Variants in GSTA4 observed in about 807,000 individuals in gnomAD.
The protein encoded by GSTA4 is glutathione S-transferase alpha 4.
GSTA4 carries 15 observed loss-of-function variants against 24.4 expected under a neutral mutation model. That is an observed-to-expected ratio of 0.61 (90% CI 0.41 to 0.95). GSTA4 has a LOEUF of 0.95. GSTA4 is among the 40% of genes least tolerant of loss of function. The pLI is 0.00. For synonymous variants in GSTA4, 92 were observed against 94.2 expected (o/e 0.98, Z 0.13); for missense variants, 244 against 262.1 (o/e 0.93, Z 0.48).
In GSTA4 at chr6:52,989,147, C is replaced by T. The variant is rs558878509; in HGVS notation, c.88-1739G>A. 9.2e-5 allele frequency among the ~76,000 whole-genome samples: 14 copies of T among 152,298 alleles called. No homozygotes were observed. In the South Asian group the frequency reaches 2.9e-3, roughly 32 times the overall value. ...TCCCAAACAGCACCATGACAGTTTA[C>T]AAAGGCTATGGCAATGTCAGGAAGT... On this transcript the variant is annotated intron_variant, in intron 2 of 6. Transcript: ENST00000370963.
At chr6:52,989,574 C>T (rs1763626562) in intron 2 of GSTA4, among the ~76,000 whole-genome samples, 1 of 152,198 alleles carries the variant, frequency 6.6e-6, no homozygotes. Context: ...GAATCAGGAT[C>T]ATAGGCTTGG....
chr6:52,984,399 T>C, intron 5 of GSTA4, 65 bp downstream of exon 5: 1 of 1,467,220 alleles, frequency 6.8e-7, no homozygotes, highest in Non-Finnish European at 9.3e-7. Flanking sequence ...AAAGGGTGTT[T>C]GTGGCAGCTT....
intron 4 of GSTA4, 50 bp from the exon 5 acceptor site, chr6:52,984,655 C>A: frequency 4.2e-6 from 6 of 1,430,754 alleles, no homozygotes; most frequent in South Asian, 2.5e-5. Context: ...TTGAAGCCAT[C>A]AGTTTCCACA....
At chr6:52,994,407 G>C in intron 1 of GSTA4, 146 bp from the exon 2 acceptor site, 1 of 492,344 alleles carries the variant, frequency 2.0e-6, no homozygotes. Context: ...CCTCACTCAA[G>C]AAAAAAAAAC....
chr6:52,983,034 T>C (rs1763484451), intron 5 of GSTA4, among the ~76,000 whole-genome samples: 1 of 152,142 alleles, frequency 6.6e-6, no homozygotes, highest in Non-Finnish European at 1.5e-5. Context: ...GCATCTGGTG[T>C]TTTGAAAGGA....
At chr6:52,983,550 C>T (rs1407725698) in intron 5 of GSTA4, among the ~76,000 whole-genome samples, 1 of 152,222 alleles carries the variant, frequency 6.6e-6, no homozygotes, top group Non-Finnish European at 1.5e-5. Flanking sequence ...CATTTTCTGG[C>T]CATGTTACCT....
rs1218239558 is a variant in GSTA4, at chr6:52,994,312, G to A, written c.-18-51C>T. On this transcript the variant is annotated intron_variant, in intron 1 of 6. Transcript: ENST00000370963. ...CGCAGACCAACAGTCCCAATTTCGC[G>A]TCTTCAACCCAGTGCTCAGGGGCGA... 1.0e-5 allele frequency: 10 copies of A among 970,490 alleles called. No homozygotes were observed. In the South Asian group the frequency reaches 1.2e-4, roughly 12 times the overall value. The allele number at this position is 970,490 out of a possible 1,614,324, so 60.1% of individuals were successfully genotyped here. A position where few individuals can be genotyped will look rare whatever the true frequency, so the allele number is the denominator to read the frequency against.
At position 52,978,527 on chromosome 6, in the gene GSTA4, C is replaced by T. The variant is rs935559113; in HGVS notation, c.612G>A (p.Lys204=). 3.1e-6 allele frequency: 5 copies of T among 1,612,258 alleles called. No homozygotes were observed. Among genetic ancestry groups the T allele is most frequent in the Admixed American group, 1.7e-5 (1 of 59,888 alleles). ...IKRFLEPGSK[K]KPPPDEIYVR... ...CATAAATTTCATCAGGGGGAGGCTT[C>T]TTCTTGCTGCCAGGTTCAAGGAATC... is the stretch of plus-strand genomic sequence containing the variant. The change falls in exon 7 of 7, where the codon AAG becomes AAA. Residue 204 remains lysine (K), a synonymous_variant. Coordinates refer to ENST00000370963, the MANE Select transcript of GSTA4 (RefSeq NM_001512.4).
intron 6 of GSTA4, among the ~76,000 whole-genome samples, chr6:52,979,169 C>T (rs1581905994): frequency 6.6e-6 from 1 of 152,230 alleles, no homozygotes; most frequent in Non-Finnish European, 1.5e-5. Context: ...TAACAGTAGT[C>T]AATTTGAAGC....
chr6:52,983,678 A>G (rs1243373026), intron 5 of GSTA4, among the ~76,000 whole-genome samples: 7 of 152,230 alleles, frequency 4.6e-5, no homozygotes, highest in Admixed American at 4.6e-4. Context: ...CTTGGGACCT[A>G]AGAATGAGCA....
chr6:52,979,260 G>A (rs752917345), intron 6 of GSTA4, among the ~76,000 whole-genome samples: 1 of 152,202 alleles, frequency 6.6e-6, no homozygotes, highest in Non-Finnish European at 1.5e-5. Flanking sequence ...CTAGCCACCT[G>A]AAGTGCACTG....
At chr6:52,994,121 T>C (rs1171539101) in intron 2 of GSTA4, 36 bp downstream of exon 2, 5 of 1,355,102 alleles carry the variant, frequency 3.7e-6, no homozygotes, top group Non-Finnish European at 5.3e-6. Context: ...TCAAAAGCTG[T>C]ATGACAAATC....
rs764488635 is a variant in GSTA4 at position 52,994,206 on chromosome 6, C to T, written c.38G>A (p.Arg13Lys). 1.9e-6 allele frequency: 3 copies of T among 1,613,828 alleles called. No homozygotes were observed. The South Asian group carries it at 3.3e-5, about 18-fold the overall frequency. Residue 13 changes from arginine (R) to lysine (K), a missense_variant, in exon 2 of 7, where the codon AGA (arginine) becomes AAA (lysine). Arg to Lys is a conservative substitution (Grantham distance 26). Coordinates refer to ENST00000370963, the MANE Select transcript of GSTA4 (RefSeq NM_001512.4). ...ARPKLHYPNG[R>K]GRMESVRWVL... ...CCATCTCACGGACTCCATCCGGCCTCTTCCGTTGGGATAGTGGAGCTTGGG... is the reference window on the plus strand; with the variant it reads ...CCATCTCACGGACTCCATCCGGCCTTTTCCGTTGGGATAGTGGAGCTTGGG...
At chr6:52,993,288 T>C (rs562414540) in intron 2 of GSTA4, among the ~76,000 whole-genome samples, 3 of 152,278 alleles carry the variant, frequency 2.0e-5, no homozygotes, top group Admixed American at 2.0e-4. Context: ...TATTCCCAAA[T>C]ATAAATTTGT....
At chr6:52,982,884 G>GGA (rs3063729) in intron 5 of GSTA4, among the ~76,000 whole-genome samples, 179 bp from the exon 6 acceptor site, 29 of 148,230 alleles carry the variant, frequency 2.0e-4, no homozygotes, top group African/African-American at 4.5e-4. Flanking sequence ...AGAGAGAGGG[G>GGA]GAGAGAGAGA....
chr6:52,979,148 G>A (rs189133818), intron 6 of GSTA4, among the ~76,000 whole-genome samples: 1 of 152,292 alleles, frequency 6.6e-6, no homozygotes, highest in East Asian at 1.9e-4. Context: ...GTATTGTTTT[G>A]TATTGTTTTT....
intron 2 of GSTA4, chr6:52,987,714 T>C: frequency 4.1e-6 from 1 of 246,784 alleles, no homozygotes; most frequent in South Asian, 7.0e-5. Context: ...AGAAATAAAA[T>C]CTAGTGTTCG....
At position 52,985,501 on chromosome 6, in the gene GSTA4, G is replaced by A; in HGVS notation, c.222C>T (p.Tyr74=). The change falls in exon 4 of 7, where the codon TAC becomes TAT. Residue 74 remains tyrosine (Y), a synonymous_variant. Coordinates refer to ENST00000370963, the MANE Select transcript of GSTA4 (RefSeq NM_001512.4). ...KLVQTRSILH[Y]IADKHNLFGK... is the part of the protein sequence containing the mutation. Reference sequence around the variant, plus strand: ...CAAAGAGATTGTGCTTGTCTGCTATGTAGTGGAGAATGCTTCGGGTCTGTA... The same window carrying A: ...CAAAGAGATTGTGCTTGTCTGCTATATAGTGGAGAATGCTTCGGGTCTGTA... The A allele has an allele frequency of 6.2e-7, 1 of 1,613,940 alleles. No individual in the cohort carries two copies. The highest frequency in any genetic ancestry group is 8.5e-7 in the Non-Finnish European group (1 of 1,179,800).
chr6:52,983,888 A>G (rs1012732358), intron 5 of GSTA4, among the ~76,000 whole-genome samples: 3 of 152,220 alleles, frequency 2.0e-5, no homozygotes, highest in African/African-American at 7.2e-5. Context: ...AGGTCTTCCC[A>G]TATTTTCACA....
Sources: gnomAD v4.1 joint callset for allele counts (sites outside exome capture counted in the v4.1 genomes callset) on GRCh38, gnomAD v4.1.1 for gene constraint, MANE v1.5 for transcripts, NCBI Gene and HGNC (gene_info 2026-07-23, HGNC 2026-07-21) for gene names.